Variants in SAMD3 observed in about 807,000 individuals in gnomAD.
SAMD3 encodes sterile alpha motif domain containing 3.
A neutral mutation model predicts 58.5 loss-of-function variants in SAMD3; 63 were observed. The ratio of observed to expected loss-of-function variants is 1.08; its 90% CI spans 0.88 to 1.33. The LOEUF (loss-of-function observed/expected upper bound fraction) is 1.33. Ranked by LOEUF, SAMD3 falls within the 40% of genes most tolerant of loss-of-function variation. SAMD3 has a pLI of 0.00. For missense variants in SAMD3, 604 were observed against 608.4 expected, an observed-to-expected ratio of 0.99 and a Z score of 0.08; for synonymous variants, 220 against 210.3, an observed-to-expected ratio of 1.05 and a Z score of -0.40.
At chr6:130,226,291 A>G (rs1796380714), upstream of SAMD3, among the ~76,000 whole-genome samples, 1 of 152,200 alleles carries the variant, frequency 6.6e-6, no homozygotes, top group Non-Finnish European at 1.5e-5. Context: ...ACTTCATGAA[A>G]ATATTGATTC....
chr6:130,336,086 G>T (rs1446705402), intron 1 of SAMD3, among the ~76,000 whole-genome samples: 1 of 152,088 alleles, frequency 6.6e-6, no homozygotes, highest in African/African-American at 2.4e-5. Flanking sequence ...AATGGGTGCA[G>T]CACACCAGCA....
intron 7 of SAMD3, among the ~76,000 whole-genome samples, chr6:130,176,855 C>T (rs146429820): frequency 1.4e-3 from 210 of 152,136 alleles, no homozygotes; most frequent in African/African-American, 4.7e-3. Context: ...CCAAGAGTTG[C>T]GCGAGGCTGG....
chr6:130,320,780 T>G (rs1041804516), intron 1 of SAMD3, among the ~76,000 whole-genome samples: 1 of 152,224 alleles, frequency 6.6e-6, no homozygotes, highest in African/African-American at 2.4e-5. Flanking sequence ...ATAAAATTCT[T>G]AAAATTACAC....
intron 2 of SAMD3, among the ~76,000 whole-genome samples, chr6:130,278,078 T>C (rs1014616930): frequency 2.6e-5 from 4 of 152,340 alleles, no homozygotes; most frequent in African/African-American, 9.6e-5. Context: ...ACATCACTAT[T>C]GTATAACCTA....
rs117028230 is a variant in SAMD3, at chr6:130,363,515, A to G, written c.-304+1605T>C. Among the ~76,000 whole-genome samples, 280 of 152,306 alleles carry G rather than the reference A, an allele frequency of 1.8e-3. 1 individual carries two copies. The highest frequency in any genetic ancestry group is 2.9e-3 in the Non-Finnish European group (200 of 68,014). ...GCCTTTTTTTGATGATGTTAATTGC[A>G]TTAAAACAAGTTTGATGTGAGTGTA... On this transcript the variant is annotated intron_variant, in intron 1 of 13. Coordinates refer to the SAMD3 transcript ENST00000368134.
At chr6:130,298,585 C>G (rs12530075) in intron 2 of SAMD3, among the ~76,000 whole-genome samples, 25,657 of 152,028 alleles carry the variant, frequency 0.17, 2,423 homozygotes, top group East Asian at 0.36. Flanking sequence ...GCACTAAATG[C>G]CGACATCACA....
At chr6:130,294,251 A>G (rs1186097527) in intron 2 of SAMD3, among the ~76,000 whole-genome samples, 4 of 152,210 alleles carry the variant, frequency 2.6e-5, no homozygotes, top group Non-Finnish European at 5.9e-5. Context: ...TGCCATACTT[A>G]TTATACTAGA....
chr6:130,350,223 G>A (rs1185943257), intron 1 of SAMD3, among the ~76,000 whole-genome samples: 1 of 152,152 alleles, frequency 6.6e-6, no homozygotes, highest in Admixed American at 6.6e-5. Context: ...TCTGGGCAGG[G>A]CATTCAGGCA....
chr6:130,242,504 T>C (rs1014142045), intron 2 of SAMD3, among the ~76,000 whole-genome samples: 1 of 152,178 alleles, frequency 6.6e-6, no homozygotes, highest in Non-Finnish European at 1.5e-5. Flanking sequence ...ACATTTTGGA[T>C]AGTAATACAT....
chr6:130,291,479 A>T (rs1775360548), intron 2 of SAMD3, among the ~76,000 whole-genome samples: 1 of 152,172 alleles, frequency 6.6e-6, no homozygotes, highest in Non-Finnish European at 1.5e-5. Context: ...TTTGATAGAG[A>T]ATAACAAGTT....
At chr6:130,211,575 C>A (rs1405376843) in intron 4 of SAMD3, among the ~76,000 whole-genome samples, 4 of 152,078 alleles carry the variant, frequency 2.6e-5, no homozygotes, top group African/African-American at 9.7e-5. Flanking sequence ...TAACCCACCA[C>A]GCCGAGCTGC....
chr6:130,264,845 C>T (rs900709480), intron 2 of SAMD3, among the ~76,000 whole-genome samples: 1 of 151,516 alleles, frequency 6.6e-6, no homozygotes, highest in African/African-American at 2.4e-5. Flanking sequence ...CCTTTATACC[C>T]TATGTGTCAG....
chr6:130,247,663 A>G (rs1487418703), intron 2 of SAMD3, among the ~76,000 whole-genome samples: 2 of 151,922 alleles, frequency 1.3e-5, no homozygotes, highest in Admixed American at 6.5e-5. Context: ...AAACTGGTGC[A>G]TAAGAGAACA....
intron 5 of SAMD3, among the ~76,000 whole-genome samples, chr6:130,193,944 C>A (rs539345405): frequency 2.0e-5 from 3 of 152,094 alleles, no homozygotes; most frequent in Admixed American, 2.0e-4. Flanking sequence ...CAACCCCAAG[C>A]GTCACTGGGT....
intron 1 of SAMD3, among the ~76,000 whole-genome samples, chr6:130,323,660 G>C (rs1019780874): frequency 2.6e-5 from 4 of 151,848 alleles, no homozygotes; most frequent in Admixed American, 2.0e-4. Flanking sequence ...AAACTTATCT[G>C]GGCGTGGTGG....
intron 9 of SAMD3, 121 bp from the exon 10 acceptor site, chr6:130,146,302 T>A: frequency 2.1e-6 from 1 of 469,886 alleles, no homozygotes; most frequent in Non-Finnish European, 3.5e-6. Flanking sequence ...GTACTCAATA[T>A]TTTAGAAGTT....
At chr6:130,247,508 G>A (rs757596657) in intron 2 of SAMD3, among the ~76,000 whole-genome samples, 3 of 151,072 alleles carry the variant, frequency 2.0e-5, no homozygotes, top group Non-Finnish European at 4.4e-5. Flanking sequence ...GGACTAAGAT[G>A]GGACAATCTA....
chr6:130,258,779 T>A (rs559380568), intron 2 of SAMD3, among the ~76,000 whole-genome samples: 174 of 152,326 alleles, frequency 1.1e-3, no homozygotes, highest in African/African-American at 3.1e-3. Flanking sequence ...AAGATTTTTT[T>A]AAATTAGGGA....
At chr6:130,363,478 T>G (rs1233747267) in intron 1 of SAMD3, among the ~76,000 whole-genome samples, 1 of 152,206 alleles carries the variant, frequency 6.6e-6, no homozygotes, top group African/African-American at 2.4e-5. Flanking sequence ...AATTCTTGAT[T>G]CCAGAGGAAG....
Sources: allele counts gnomAD v4.1 joint callset (sites outside exome capture counted in the v4.1 genomes callset), GRCh38; gene constraint gnomAD v4.1.1; transcripts MANE v1.5; gene names NCBI Gene and HGNC (gene_info 2026-07-23, HGNC 2026-07-21).